TEKT5: variants seen among roughly 807,000 people sequenced by gnomAD.
TEKT5 encodes the protein tektin-5.
A neutral mutation model predicts 48.7 loss-of-function variants in TEKT5; 52 were observed. That is an observed-to-expected ratio of 1.07 (90% CI 0.86 to 1.35). The LOEUF (loss-of-function observed/expected upper bound fraction) is 1.35, where lower values mean the gene tolerates loss of function less well. Ranked by LOEUF, TEKT5 falls within the 40% of genes most tolerant of loss-of-function variation. The probability of loss-of-function intolerance (pLI) is 0.00; values close to 1 mark genes in which losing one functional copy is unlikely to be tolerated. For synonymous variants in TEKT5, 318 were observed against 267.6 expected (o/e 1.19, Z -1.84); for missense variants, 831 against 641.6 (o/e 1.30, Z -3.19).
intron 6 of TEKT5, among the ~76,000 whole-genome samples, chr16:10,635,009 G>A (rs1032901647): frequency 6.6e-6 from 1 of 152,138 alleles, no homozygotes; most frequent in Non-Finnish European, 1.5e-5. Flanking sequence ...TACCTTTTGG[G>A]GTACTTTATT....
intron 3 of TEKT5, 56 bp downstream of exon 3, chr16:10,689,195 CTG>C: frequency 6.9e-7 from 1 of 1,454,316 alleles, no homozygotes; most frequent in Non-Finnish European, 9.4e-7. Context: ...CCCCAGAAAT[CTG>C]AGAGTCCTAA....
At position 10,694,709 on chromosome 16, in the gene TEKT5, G is replaced by A. The variant is rs777542963; in HGVS notation, c.165C>T (p.Phe55=). 3.7e-6 allele frequency: 6 copies of A among 1,613,958 alleles called. No homozygotes were observed. The highest frequency in any genetic ancestry group is 1.7e-4 in the Middle Eastern group (1 of 6,060). The part of the protein sequence containing the change: ...RYLNSWRPSL[F]YKIANVQTCP... ...AGGTCTGGACGTTGGCTATCTTGTA[G>A]AAGAGGCTAGGCCTCCATGAATTGA... is the stretch of plus-strand genomic sequence containing the variant. Residue 55 remains phenylalanine, a synonymous_variant, in exon 1 of 7, where the codon TTC becomes TTT. Transcript: ENST00000283025.
chr16:10,667,355 C>G (rs939422876), intron 5 of TEKT5, among the ~76,000 whole-genome samples: 1 of 152,186 alleles, frequency 6.6e-6, no homozygotes, highest in Non-Finnish European at 1.5e-5. Context: ...TGTGAACAGC[C>G]TGGAACCGAC....
chr16:10,673,358 G>A (rs1397081140), intron 5 of TEKT5, among the ~76,000 whole-genome samples: 2 of 152,182 alleles, frequency 1.3e-5, no homozygotes, highest in African/African-American at 4.8e-5. Context: ...GTCCACGGCT[G>A]CTTTTGCAGT....
intron 5 of TEKT5, among the ~76,000 whole-genome samples, chr16:10,645,152 T>C (rs1359274201): frequency 1.3e-5 from 2 of 152,186 alleles, no homozygotes; most frequent in African/African-American, 4.8e-5. Context: ...TACTTGGTTA[T>C]AGTAGCATGA....
intron 5 of TEKT5, among the ~76,000 whole-genome samples, chr16:10,666,065 T>C (rs1021720617): frequency 8.5e-5 from 13 of 152,128 alleles, no homozygotes; most frequent in Admixed American, 2.6e-4. Flanking sequence ...TGGTGACACC[T>C]TGTCTCTACT....
intron 4 of TEKT5, 62 bp downstream of exon 4, chr16:10,681,931 G>C: frequency 6.3e-7 from 1 of 1,582,552 alleles, no homozygotes. Flanking sequence ...TCGTTGGCAG[G>C]AGCAGAAGCC....
At chr16:10,634,063 G>T (rs1010119355) in intron 6 of TEKT5, among the ~76,000 whole-genome samples, 1 of 152,136 alleles carries the variant, frequency 6.6e-6, no homozygotes, top group African/African-American at 2.4e-5. Flanking sequence ...CAGGATGGAG[G>T]GAGCAGGGTC....
At position 10,627,614 on chromosome 16, in the gene TEKT5, G is replaced by A. The variant is rs761203199; in HGVS notation, c.1427C>T (p.Pro476Leu). Residue 476 changes from proline (P) to leucine (L), a missense_variant, in exon 7 of 7, where the codon CCC (proline) becomes CTC (leucine). By Grantham distance (98) the Pro-to-Leu change is moderately conservative. Coordinates refer to ENST00000283025, the MANE Select transcript of TEKT5 (RefSeq NM_144674.2). ...EKCMGMRKTF[P>L]CTPRLVGHT Reference sequence around the variant, plus strand: ...GTGGCCCACCAGGCGCGGGGTGCAGGGGAAGGTCTTACGCATGCCCATGCA... The same window carrying A: ...GTGGCCCACCAGGCGCGGGGTGCAGAGGAAGGTCTTACGCATGCCCATGCA... 3.1e-6 allele frequency: 5 copies of A among 1,614,186 alleles called. No homozygotes were observed. The highest frequency in any genetic ancestry group is 4.2e-6 in the Non-Finnish European group (5 of 1,180,012).
At chr16:10,688,725 C>T (rs1246853557) in intron 3 of TEKT5, among the ~76,000 whole-genome samples, 1 of 152,208 alleles carries the variant, frequency 6.6e-6, no homozygotes, top group African/African-American at 2.4e-5. Context: ...CCAGGCTTGT[C>T]GGGATACTGG....
intron 4 of TEKT5, among the ~76,000 whole-genome samples, chr16:10,677,612 C>G (rs1243280015): frequency 6.9e-6 from 1 of 144,922 alleles, no homozygotes; most frequent in African/African-American, 2.8e-5. Context: ...CTGTCCCCCC[C>G]AACAAAAAAA....
Position 10,689,339 on chromosome 16 carries a change from T to G in TEKT5, c.649-16A>C, listed in dbSNP as rs1218754498. ...AATCCACTTCCTGAAATGAAAAATG[T>G]CAGAAAGAGCAGTGCCTCTTAGAAC... On this transcript the variant is annotated splice_polypyrimidine_tract_variant and intron_variant, in intron 2 of 6. Transcript: ENST00000283025. 1.9e-6 allele frequency: 3 copies of G among 1,609,032 alleles called. No homozygotes were observed. In the East Asian group the frequency reaches 6.7e-5, roughly 36 times the overall value.
At chr16:10,652,536 G>GAC (rs1202364695) in intron 5 of TEKT5, among the ~76,000 whole-genome samples, 1 of 48,118 alleles carries the variant, frequency 2.1e-5, no homozygotes, top group Non-Finnish European at 3.9e-5. Context: ...TACACAGGCA[G>GAC]ACATACACAC....
At chr16:10,692,690 G>C (rs1899001350) in intron 1 of TEKT5, 1 of 152,198 alleles carries the variant, frequency 6.6e-6, no homozygotes, top group South Asian at 2.1e-4. Flanking sequence ...GACATTCCCT[G>C]ATAAAAAGCA....
chr16:10,636,810 C>T (rs914653485), intron 5 of TEKT5, among the ~76,000 whole-genome samples: 2 of 130,572 alleles, frequency 1.5e-5, no homozygotes, highest in Non-Finnish European at 3.1e-5. Context: ...TATGTATTTT[C>T]CATTATTATT....
chr16:10,672,369 G>A (rs971542327), intron 5 of TEKT5, among the ~76,000 whole-genome samples: 2 of 152,036 alleles, frequency 1.3e-5, no homozygotes, highest in African/African-American at 4.8e-5. Context: ...TTGAGCCCAG[G>A]GAACTTGGGC....
intron 5 of TEKT5, among the ~76,000 whole-genome samples, chr16:10,652,636 A>C (rs1386581523): frequency 3.3e-5 from 3 of 91,854 alleles, no homozygotes; most frequent in African/African-American, 1.2e-4. Flanking sequence ...ACACACACAC[A>C]CACACCCTCC....
At chr16:10,652,729 C>T (rs1898184711) in intron 5 of TEKT5, among the ~76,000 whole-genome samples, 1 of 96,250 alleles carries the variant, frequency 1.0e-5, no homozygotes, top group African/African-American at 4.8e-5. Context: ...ACACACCCTC[C>T]AGGCCAGGTA....
At chr16:10,649,853 G>A (rs904083393) in intron 5 of TEKT5, among the ~76,000 whole-genome samples, 4 of 152,180 alleles carry the variant, frequency 2.6e-5, no homozygotes, top group Non-Finnish European at 5.9e-5. Context: ...TTGGTACGTA[G>A]ATAATGCAGG....
Sources: gnomAD v4.1 joint callset for allele counts (sites outside exome capture counted in the v4.1 genomes callset) on GRCh38, gnomAD v4.1.1 for gene constraint, MANE v1.5 for transcripts, NCBI Gene and HGNC (gene_info 2026-07-23, HGNC 2026-07-21) for gene names.